The following ANKS3 variants were observed in gnomAD, a reference collection of about 807,000 sequenced individuals.
The protein encoded by ANKS3 is ankyrin repeat and sterile alpha motif domain containing 3.
In ANKS3, 62 loss-of-function variants were observed where a neutral mutation model predicts 80.7. That is an observed-to-expected ratio of 0.77 (90% CI 0.63 to 0.95). ANKS3 has a LOEUF of 0.95. Among genes scored for constraint, ANKS3 ranks in the 40% least tolerant of loss-of-function variants. ANKS3 has a pLI of 0.00. For synonymous variants in ANKS3, 489 were observed against 355.3 expected, an observed-to-expected ratio of 1.38 and a Z score of -4.23; for missense variants, 1,150 against 883.6, an observed-to-expected ratio of 1.30 and a Z score of -3.82.
chr16:4,711,120 T>TTG (rs2080461478), intron 7 of ANKS3, among the ~76,000 whole-genome samples: 1 of 145,838 alleles, frequency 6.9e-6, no homozygotes, highest in Non-Finnish European at 1.5e-5. Flanking sequence ...TTTTTTTTTT[T>TTG]GAGACAGAGT....
rs544466108 is a variant in ANKS3, at chr16:4,701,057, C to G, written c.1197G>C (p.Gln399His). The G allele has an allele frequency of 1.9e-5, 30 of 1,613,986 alleles. No homozygotes were observed. Among genetic ancestry groups the G allele is most frequent in the Non-Finnish European group, 2.5e-5 (29 of 1,180,040 alleles). The change falls in exon 11 of 18, where the codon CAG becomes CAC. Residue 399 changes from glutamine to histidine, a missense_variant. Physicochemically the swap from Gln to His is conservative, Grantham distance 24 (BLOSUM62 0). Transcript: ENST00000304283. ...SYMKTKNPDS[Q>H]WPPRAATDRE... ...TGTCAGTTGCAGCGCGGGGAGGCCA[C>G]TGGCTGTCAGGATTCTTGGTCTTCA...
chr16:4,698,250 A>G (rs2079689157), intron 14 of ANKS3, 177 bp downstream of exon 14: 8 of 1,147,792 alleles, frequency 7.0e-6, no homozygotes, highest in East Asian at 2.7e-5. Context: ...CCCGGACCCA[A>G]CTCCTGCCTG....
chr16:4,701,195 C>G, intron 10 of ANKS3, 61 bp from the exon 11 acceptor site: 2 of 1,597,760 alleles, frequency 1.3e-6, no homozygotes, highest in Non-Finnish European at 1.7e-6. Context: ...CTTGGTGAAA[C>G]CCCCACCCGC....
Position 4,697,022 on chromosome 16 carries a change from C to A in ANKS3, c.*6G>T, listed in dbSNP as rs371559330. The A allele has an allele frequency of 6.2e-7, 1 of 1,611,946 alleles. No homozygotes were observed. The highest frequency in any genetic ancestry group is 8.5e-7 in the Non-Finnish European group (1 of 1,179,376). On this transcript the variant is annotated 3_prime_UTR_variant, in exon 17 of 18. Transcript: ENST00000304283. ...CCAGGCTGGCAGACACTCACCGGCCCGCAGGCTAGGTCTCCCGCCACTTCT... is the reference window on the plus strand; with the variant it reads ...CCAGGCTGGCAGACACTCACCGGCCAGCAGGCTAGGTCTCCCGCCACTTCT...
rs1236099575 is a variant in ANKS3, at chr16:4,698,526, C to T, written c.1625G>A (p.Cys542Tyr). ...GCGGGCGCGGTCCTGCTCCAGCAGG[C>T]AGCTCTCCACCACGGCGCGCAGCTC... ...EQELRAVVES[C>Y]LLEQDRARED... Residue 542 changes from cysteine (C) to tyrosine (Y), a missense_variant, in exon 14 of 18, where the codon TGC (cysteine) becomes TAC (tyrosine). Transcript: ENST00000304283. The T allele has an allele frequency of 6.4e-7, 1 of 1,573,114 alleles. No homozygotes were observed. The highest frequency in any genetic ancestry group is 1.1e-5 in the South Asian group (1 of 87,950).
chr16:4,727,406 C>A, intron 3 of ANKS3: 1 of 585,716 alleles, frequency 1.7e-6, no homozygotes. Context: ...GATTTCGCAT[C>A]CTCCTAGCCC....
At chr16:4,721,220 G>T (rs187454405) in intron 6 of ANKS3, among the ~76,000 whole-genome samples, 49 of 148,330 alleles carry the variant, frequency 3.3e-4, no homozygotes, top group African/African-American at 1.1e-3. Flanking sequence ...CAGGAGAATG[G>T]TGTGAACCCG....
intron 6 of ANKS3, among the ~76,000 whole-genome samples, chr16:4,718,774 C>T (rs2080938838): frequency 6.6e-6 from 1 of 152,222 alleles, no homozygotes; most frequent in Non-Finnish European, 1.5e-5. Context: ...CACTAACCAA[C>T]ACTTTGATTC....
intron 7 of ANKS3, among the ~76,000 whole-genome samples, chr16:4,710,607 G>A (rs1244496477): frequency 6.6e-6 from 1 of 152,044 alleles, no homozygotes; most frequent in Non-Finnish European, 1.5e-5. Context: ...TACTCGTAGA[G>A]CTGAGGTAGA....
rs1318203904 is a variant in ANKS3 at position 4,698,053 on chromosome 16, T to C, written c.1734A>G (p.Gln578=). ...ALVLDQLRAC[Q]AELSSRVRQD... is the part of the protein sequence containing the mutation. ...GCCTCACTCGAGATGACAGCTCAGC[T>C]TGACAGGCTCTGCCAGACACAGAAA... The change falls in exon 15 of 18, where the codon CAA becomes CAG. Residue 578 remains glutamine, a synonymous_variant. Transcript: ENST00000304283. The C allele has an allele frequency of 6.2e-7, 1 of 1,608,742 alleles. No individual in the cohort carries two copies.
intron 6 of ANKS3, among the ~76,000 whole-genome samples, chr16:4,716,199 T>C (rs1168063591): frequency 1.3e-5 from 2 of 151,034 alleles, no homozygotes; most frequent in African/African-American, 4.9e-5. Context: ...CTACTACAAA[T>C]ACAAAAAGAA....
chr16:4,722,670 C>T (rs1016550608), intron 6 of ANKS3, among the ~76,000 whole-genome samples: 7 of 151,538 alleles, frequency 4.6e-5, no homozygotes, highest in Non-Finnish European at 8.8e-5. Flanking sequence ...GTAATCCTAG[C>T]ACTTTGGGAG....
intron 7 of ANKS3, among the ~76,000 whole-genome samples, chr16:4,711,004 G>C (rs1213925772): frequency 6.6e-6 from 1 of 151,506 alleles, no homozygotes; most frequent in East Asian, 2.0e-4. Context: ...GGCCAGGCTG[G>C]TCTTGAACTC....
intron 7 of ANKS3, among the ~76,000 whole-genome samples, chr16:4,707,122 A>C (rs973710636): frequency 6.6e-6 from 1 of 152,190 alleles, no homozygotes; most frequent in Non-Finnish European, 1.5e-5. Flanking sequence ...GGCAGCAATA[A>C]GCAAGGGAAC....
At chr16:4,713,909 C>A in intron 7 of ANKS3, 142 bp downstream of exon 7, 1 of 1,193,328 alleles carries the variant, frequency 8.4e-7, no homozygotes, top group East Asian at 2.5e-5. Context: ...TCAACCTTGA[C>A]ATGTAAGCAG....
chr16:4,709,941 T>G (rs760806153), intron 7 of ANKS3, among the ~76,000 whole-genome samples: 1 of 151,860 alleles, frequency 6.6e-6, no homozygotes, highest in East Asian at 1.9e-4. Context: ...AGCCCAGGAA[T>G]TGGAGGCTGC....
chr16:4,730,103 C>G lies in ANKS3; in HGVS notation c.47G>C (p.Arg16Pro), dbSNP rs747928992. 2.5e-6 allele frequency: 4 copies of G among 1,592,966 alleles called. No homozygotes were observed. The African/African-American group carries it at 4.1e-5, about 16-fold the overall frequency. Residue 16 changes from arginine (R) to proline (P), a missense_variant, in exon 3 of 18, where the codon CGC becomes CCC. Transcript: ENST00000304283. ...DEASEPELLN[R>P]SLSMWHGLGT... ...GAGCCCGTGCCACATGGACAAGCTG[C>G]GGTTCAGGAGTTCCGGCTCGCTGGC...
intron 6 of ANKS3, among the ~76,000 whole-genome samples, chr16:4,714,909 T>C: frequency 6.8e-6 from 1 of 146,330 alleles, no homozygotes. Context: ...GGAGAATTGC[T>C]TGAACCCGGG....
chr16:4,707,442 T>C (rs535712660), intron 7 of ANKS3, among the ~76,000 whole-genome samples: 3 of 152,220 alleles, frequency 2.0e-5, no homozygotes, highest in Middle Eastern at 3.4e-3. Context: ...CCACCATGCC[T>C]GGCTAATTTG....
Sources: gnomAD v4.1 joint callset for allele counts (sites outside exome capture counted in the v4.1 genomes callset) on GRCh38, gnomAD v4.1.1 for gene constraint, MANE v1.5 for transcripts, NCBI Gene and HGNC (gene_info 2026-07-23, HGNC 2026-07-21) for gene names.